Variants in MSH3 observed in about 807,000 individuals in gnomAD.
MSH3 encodes mutS homolog 3.
MSH3 carries 106 observed loss-of-function variants against 123.3 expected under a neutral mutation model. The observed-to-expected ratio is 0.86, with a 90% confidence interval of 0.73 to 1.01. The LOEUF is 1.01. MSH3 is among the 50% of genes least tolerant of loss of function. The pLI, the probability that MSH3 is intolerant of heterozygous loss-of-function variation, is 0.00. For synonymous variants in MSH3, 515 were observed against 481.4 expected, an observed-to-expected ratio of 1.07 and a Z score of -0.91; for missense variants, 1,459 against 1,347.6, an observed-to-expected ratio of 1.08 and a Z score of -1.29.
At chr5:80,873,019 G>C (rs558970107) in intron 22 of MSH3, 97 bp from the exon 23 acceptor site, 1 of 1,086,758 alleles carries the variant, frequency 9.2e-7, no homozygotes, top group Non-Finnish European at 1.4e-6. Context: ...CAGATTGTAC[G>C]ATTTAATAAA....
At chr5:80,689,525 C>T (rs1199210376) in intron 8 of MSH3, among the ~76,000 whole-genome samples, 4 of 152,024 alleles carry the variant, frequency 2.6e-5, no homozygotes, top group Non-Finnish European at 5.9e-5. Flanking sequence ...AAACTGAAAA[C>T]TTAGTGCTCT....
intron 15 of MSH3, among the ~76,000 whole-genome samples, chr5:80,771,304 C>T (rs542629877): frequency 4.5e-4 from 68 of 152,092 alleles, no homozygotes; most frequent in African/African-American, 1.6e-3. Flanking sequence ...GGCAACATAG[C>T]GAGACACCAT....
intron 19 of MSH3, 90 bp downstream of exon 19, chr5:80,792,934 A>C (rs1047645290): frequency 2.3e-6 from 2 of 860,484 alleles, no homozygotes; most frequent in South Asian, 3.0e-5. Context: ...AAGTTACCCA[A>C]ATTTCAACTT....
At chr5:80,814,129 G>GA (rs10708713) in intron 20 of MSH3, among the ~76,000 whole-genome samples, 15 of 142,762 alleles carry the variant, frequency 1.1e-4, no homozygotes, top group South Asian at 4.5e-4. Flanking sequence ...CTGTCTCAAA[G>GA]AAAAAAAAAA....
chr5:80,822,241 G>A (rs1461051792), intron 20 of MSH3, among the ~76,000 whole-genome samples: 1 of 152,172 alleles, frequency 6.6e-6, no homozygotes, highest in Non-Finnish European at 1.5e-5. Context: ...AATCAGACAT[G>A]TTATACTTGA....
At position 80,762,849 on chromosome 5, in the gene MSH3, T is replaced by TG. The variant is rs1394974230; in HGVS notation, c.1896+1171_1896+1172insG. Among the ~76,000 whole-genome samples the TG allele has an allele frequency of 5.0e-4, 76 of 151,764 alleles. 1 individual carries two copies. In the South Asian group the frequency reaches 7.7e-3, roughly 15 times the overall value. On this transcript the variant is annotated intron_variant, in intron 13 of 23. Coordinates refer to ENST00000265081, the MANE Select transcript of MSH3 (RefSeq NM_002439.5). The stretch of plus-strand genomic sequence containing the variant: ...TGTTATGTTATTTTATGTTATTTTA[T>TG]TTTATTTTATTTTTGAGACAGACTT...
rs58651256 is a variant in MSH3, at chr5:80,745,119, C to T, written c.1763+504C>T. ...AAGAGTAGAGTGAGTAAAGTTGGAG[C>T]TCCCTAAGGGAAGATACTTGAATCC... On this transcript the variant is annotated intron_variant, in intron 12 of 23. Coordinates refer to ENST00000265081, the MANE Select transcript of MSH3 (RefSeq NM_002439.5). 5.0e-3 allele frequency among the ~76,000 whole-genome samples: 761 copies of T among 152,276 alleles called. 11 individuals carry two copies. The highest frequency in any genetic ancestry group is 0.016 in the African/African-American group (681 of 41,540).
intron 8 of MSH3, among the ~76,000 whole-genome samples, chr5:80,685,300 G>C (rs1051015865): frequency 6.7e-6 from 1 of 150,372 alleles, no homozygotes; most frequent in Non-Finnish European, 1.5e-5. Flanking sequence ...ATTGGGTCCT[G>C]GGCTTTTCTT....
In MSH3 at chr5:80,665,265, G is replaced by A. The variant is rs759608517; in HGVS notation, c.481G>A (p.Ala161Thr). The change falls in exon 3 of 24, where the codon GCA (alanine) becomes ACA (threonine). Residue 161 changes from alanine (A) to threonine (T), a missense_variant. Physicochemically the swap from Ala to Thr is moderately conservative, Grantham distance 58. Coordinates refer to ENST00000265081, the MANE Select transcript of MSH3 (RefSeq NM_002439.5). ...VQTESLQERF[A>T]VLPKCTDFDD... The stretch of plus-strand genomic sequence containing the variant: ...GACAGAATCTCTGCAGGAGAGATTT[G>A]CAGTTCTGCCAAAATGTACTGATTT... The A allele has an allele frequency of 1.9e-6, 3 of 1,613,788 alleles. No individual in the cohort carries two copies. The African/African-American group carries it at 4.0e-5, about 22-fold the overall frequency.
At chr5:80,683,357 C>A (rs938170069) in intron 8 of MSH3, among the ~76,000 whole-genome samples, 2 of 152,068 alleles carry the variant, frequency 1.3e-5, no homozygotes, top group Non-Finnish European at 2.9e-5. Context: ...TTCTCCACAT[C>A]CTCACCAGCA....
intron 20 of MSH3, among the ~76,000 whole-genome samples, chr5:80,823,383 T>C (rs559718648): frequency 6.6e-6 from 1 of 152,298 alleles, no homozygotes; most frequent in African/African-American, 2.4e-5. Context: ...GGGGCAAATA[T>C]CTCTTTCCTA....
chr5:80,784,851 C>T (rs1744475494), intron 17 of MSH3, among the ~76,000 whole-genome samples: 1 of 152,078 alleles, frequency 6.6e-6, no homozygotes, highest in Non-Finnish European at 1.5e-5. Context: ...AAGTTATATT[C>T]ATTATGTTCT....
Position 80,787,679 on chromosome 5 carries a change from T to C in MSH3, c.2543+7T>C, listed in dbSNP as rs770786147. 4.5e-5 allele frequency: 72 copies of C among 1,587,356 alleles called. No individual in the cohort carries two copies. The highest frequency in any genetic ancestry group is 2.1e-5 in the Non-Finnish European group (24 of 1,155,968). On this transcript the variant is annotated splice_region_variant and intron_variant, in intron 18 of 23. Transcript: ENST00000265081. Reference sequence around the variant, plus strand: ...AGCAAGGAGATTACTGCAGGTAAGATATTTTTCATTTTCCTCTTTATCAGT... The same window carrying C: ...AGCAAGGAGATTACTGCAGGTAAGACATTTTTCATTTTCCTCTTTATCAGT...
At chr5:80,758,283 A>G (rs542909136) in intron 12 of MSH3, among the ~76,000 whole-genome samples, 16 of 152,278 alleles carry the variant, frequency 1.1e-4, no homozygotes, top group African/African-American at 3.9e-4. Context: ...TCCCTCTTCC[A>G]TGCTGTTCTT....
intron 20 of MSH3, among the ~76,000 whole-genome samples, chr5:80,815,846 A>G (rs3776976): frequency 0.16 from 24,055 of 152,214 alleles, 2,005 homozygotes; most frequent in East Asian, 0.24. Flanking sequence ...GTAATTGGGA[A>G]TACAATCAGT....
chr5:80,859,316 G>A (rs1174820804), intron 21 of MSH3, among the ~76,000 whole-genome samples: 1 of 151,978 alleles, frequency 6.6e-6, no homozygotes, highest in Non-Finnish European at 1.5e-5. Flanking sequence ...ATTAAAGATG[G>A]GGTTTCACCA....
At chr5:80,727,602 A>G (rs1168759829) in intron 9 of MSH3, among the ~76,000 whole-genome samples, 1 of 152,322 alleles carries the variant, frequency 6.6e-6, no homozygotes, top group East Asian at 1.9e-4. Context: ...ACATAAACAT[A>G]CACATATAGT....
chr5:80,774,004 G>C (rs979624373), intron 15 of MSH3, among the ~76,000 whole-genome samples: 2 of 152,126 alleles, frequency 1.3e-5, no homozygotes, highest in African/African-American at 4.8e-5. Flanking sequence ...CTGACCTCAG[G>C]TAATCTGTCC....
At chr5:80,824,060 G>C (rs937147535) in intron 20 of MSH3, among the ~76,000 whole-genome samples, 1 of 152,256 alleles carries the variant, frequency 6.6e-6, no homozygotes, top group African/African-American at 2.4e-5. Flanking sequence ...ATCTTTCTTA[G>C]TACAGAGCAA....
Sources: allele counts gnomAD v4.1 joint callset (sites outside exome capture counted in the v4.1 genomes callset), GRCh38; gene constraint gnomAD v4.1.1; transcripts MANE v1.5; gene names NCBI Gene and HGNC (gene_info 2026-07-23, HGNC 2026-07-21).